HK1: variants seen among roughly 807,000 people sequenced by gnomAD.
HK1 encodes the protein hexokinase-1.
A neutral mutation model predicts 91.6 loss-of-function variants in HK1; 28 were observed. The observed-to-expected ratio is 0.31, with a 90% CI of 0.23 to 0.42. The LOEUF is 0.42. Among genes scored for constraint, HK1 ranks in the 10% least tolerant of loss-of-function variants. HK1 has a pLI of 1.00. For synonymous variants in HK1, 430 were observed against 468.1 expected (o/e 0.92, Z 1.05); for missense variants, 770 against 1,219.8 (o/e 0.63, Z 5.49).
rs1177989142 is a variant in HK1 at position 69,336,481 on chromosome 10, G to A, written c.64-7346G>A. On this transcript the variant is annotated intron_variant, in intron 1 of 17. Transcript: ENST00000359426. ...GCTGGGATTATAGGCACGAGCCACC[G>A]CGCCTGGCCTATTATTGCATCTTTA... Among the ~76,000 whole-genome samples, 11 of 151,552 alleles carry A rather than the reference G, an allele frequency of 7.3e-5. No homozygotes were observed. The East Asian group carries it at 7.8e-4, about 11-fold the overall frequency.
chr10:69,311,497 T>C (rs932055470), upstream of HK1, among the ~76,000 whole-genome samples: 3 of 152,174 alleles, frequency 2.0e-5, no homozygotes, highest in Non-Finnish European at 4.4e-5. Flanking sequence ...GCAAGGTGAT[T>C]TGAGATTGCT....
chr10:69,399,963 C>A (rs1281759831), intron 17 of HK1, among the ~76,000 whole-genome samples: 1 of 152,156 alleles, frequency 6.6e-6, no homozygotes, highest in African/African-American at 2.4e-5. Flanking sequence ...CCATCCTCAC[C>A]TCTGTCTCTC....
At chr10:69,280,649 C>T (rs1347581023) in intron 1 of HK1, among the ~76,000 whole-genome samples, 1 of 152,196 alleles carries the variant, frequency 6.6e-6, no homozygotes, top group Non-Finnish European at 1.5e-5. Flanking sequence ...GCCCCTTCTA[C>T]CAGTGAGGAC....
In HK1 at chr10:69,272,335, G is replaced by A. The variant is rs552598866; in HGVS notation, c.-391+2227G>A. ...TTACGGATATCACCTTCTACCTGAAGGGTCTCTGATGCCCAGGTTATTAAT... is the reference window on the plus strand; with the variant it reads ...TTACGGATATCACCTTCTACCTGAAAGGTCTCTGATGCCCAGGTTATTAAT... On this transcript the variant is annotated intron_variant, in intron 1 of 21. Transcript: ENST00000360289. 9.0e-4 allele frequency among the ~76,000 whole-genome samples: 137 copies of A among 152,252 alleles called. 1 individual carries two copies. The highest frequency in any genetic ancestry group is 3.2e-3 in the African/African-American group (133 of 41,540).
chr10:69,339,558 C>T (rs919899514), intron 1 of HK1, among the ~76,000 whole-genome samples: 12 of 152,186 alleles, frequency 7.9e-5, no homozygotes, highest in African/African-American at 2.4e-4. Context: ...AGGACCAGGC[C>T]GTTCTCTGTG....
At chr10:69,301,729 G>A (rs1845882695) in intron 5 of HK1, among the ~76,000 whole-genome samples, 1 of 152,078 alleles carries the variant, frequency 6.6e-6, no homozygotes. Context: ...CTAAATTAAT[G>A]GAAAGACATC....
intron 1 of HK1, among the ~76,000 whole-genome samples, chr10:69,276,119 ATACAT>A (rs1205302759): frequency 2.5e-4 from 4 of 15,884 alleles, no homozygotes; most frequent in Admixed American, 1.7e-3. Flanking sequence ...AAAAAAAAAA[ATACAT>A]ATATATATAT....
chr10:69,284,162 A>G (rs182128456), intron 2 of HK1, among the ~76,000 whole-genome samples: 1 of 152,302 alleles, frequency 6.6e-6, no homozygotes, highest in African/African-American at 2.4e-5. Flanking sequence ...GTTGAGGGAC[A>G]GTGTGCAAGA....
chr10:69,376,959 T>C lies in HK1; in HGVS notation c.901T>C (p.Tyr301His). 1 of 1,614,176 alleles carries C rather than the reference T, an allele frequency of 6.2e-7. No homozygotes were observed. The highest frequency in any genetic ancestry group is 8.5e-7 in the Non-Finnish European group (1 of 1,180,030). ...QLFEKMVSGM[Y>H]LGELVRLILV... The stretch of plus-strand genomic sequence containing the variant: ...GTTTGAGAAGATGGTCAGTGGCATG[T>C]ACTTGGGAGAGCTGGTTCGACTGAT... The change falls in exon 8 of 18, where the codon TAC becomes CAC. Residue 301 changes from tyrosine to histidine, a missense_variant. Coordinates refer to ENST00000359426, the MANE Select transcript of HK1 (RefSeq NM_000188.3).
At chr10:69,294,022 C>T (rs182793530) in intron 3 of HK1, among the ~76,000 whole-genome samples, 15,913 of 151,636 alleles carry the variant, frequency 0.1, 983 homozygotes, top group South Asian at 0.23. Context: ...CCACCACGCC[C>T]GGCTGATTTT....
intron 1 of HK1, among the ~76,000 whole-genome samples, chr10:69,334,806 C>G (rs750526473): frequency 5.3e-5 from 8 of 152,170 alleles, no homozygotes; most frequent in Non-Finnish European, 1.0e-4. Flanking sequence ...ACACACACCA[C>G]GAAGTGTCTC....
At chr10:69,375,863 C>T (rs960522970) in intron 7 of HK1, among the ~76,000 whole-genome samples, 19 of 152,208 alleles carry the variant, frequency 1.2e-4, no homozygotes, top group African/African-American at 4.6e-4. Context: ...TGCGTGTTGG[C>T]TTCTATCTCT....
intron 3 of HK1, among the ~76,000 whole-genome samples, chr10:69,294,643 T>G (rs2394544): frequency 0.98 from 149,856 of 152,240 alleles, 73,798 homozygotes; most frequent in East Asian, 1. Context: ...ATCACTCAAG[T>G]TCAGGAGTTC....
At chr10:69,354,940 A>G (rs10823351) in intron 2 of HK1, among the ~76,000 whole-genome samples, 69,015 of 151,656 alleles carry the variant, frequency 0.46, 16,674 homozygotes, top group African/African-American at 0.6. Flanking sequence ...ATGGTGGTGG[A>G]CACCTGTAAT....
At position 69,273,032 on chromosome 10, in the gene HK1, CT is replaced by C. The variant is rs745403867; in HGVS notation, c.-391+2940del. 6.4e-3 allele frequency among the ~76,000 whole-genome samples: 834 copies of C among 130,596 alleles called. 2 individuals are homozygous for C. The highest frequency in any genetic ancestry group is 0.01 in the Non-Finnish European group (632 of 61,092). 85.7% of individuals were successfully genotyped at this position (130,596 alleles called of 152,430 possible). On this transcript the variant is annotated intron_variant, in intron 1 of 21. Transcript: ENST00000360289. ...ATAATTCCTTTTCTTTCTTTTTTAC[CT>C]TTTTTTTTTTTTTTTGAGATGGAGT... is the stretch of plus-strand genomic sequence containing the variant.
Position 69,391,558 on chromosome 10 carries a change from C to T in HK1, c.2036-567C>T, listed in dbSNP as rs186503310. 6.7e-3 allele frequency among the ~76,000 whole-genome samples: 1,019 copies of T among 152,356 alleles called. 8 individuals carry two copies. The highest frequency in any genetic ancestry group is 0.023 in the African/African-American group (953 of 41,574). ...TTGGAAGGCTGAGGTGGGAAAATCA[C>T]TTGAGCCCTGGAGGCGGAGGTTGCA... is the stretch of plus-strand genomic sequence containing the variant. On this transcript the variant is annotated intron_variant, in intron 14 of 17. Transcript: ENST00000359426.
intron 1 of HK1, among the ~76,000 whole-genome samples, chr10:69,339,088 G>A (rs1217984324): frequency 6.6e-6 from 1 of 152,202 alleles, no homozygotes; most frequent in Non-Finnish European, 1.5e-5. Flanking sequence ...GAACGAGGAA[G>A]ATGCGTTTTG....
At chr10:69,291,708 G>A (rs1845301715) in intron 3 of HK1, among the ~76,000 whole-genome samples, 1 of 152,166 alleles carries the variant, frequency 6.6e-6, no homozygotes, top group African/African-American at 2.4e-5. Context: ...GATATATTTT[G>A]AGTTGTTCCA....
Position 69,398,755 on chromosome 10 carries a change from C to G in HK1, c.2536C>G (p.Arg846Gly), listed in dbSNP as rs146727978. 30 of 1,614,066 alleles carry G rather than the reference C, an allele frequency of 1.9e-5. No homozygotes were observed. In the Admixed American group the frequency reaches 2.0e-4, roughly 11 times the overall value. ...CATGGCTGCGGTTGTGGATAAGATC[C>G]GCGAGAACAGAGGACTGGACCGTCT... ...AGMAAVVDKIRENRGLDRLNV... is the reference protein window; with the variant it reads ...AGMAAVVDKIGENRGLDRLNV... Residue 846 changes from arginine (R) to glycine (G), a missense_variant, in exon 17 of 18, where the codon CGC becomes GGC. Physicochemically the swap from Arg to Gly is moderately radical, Grantham distance 125. Around this residue, in one of 7 missense-constraint regions of HK1, gnomAD observed 78 missense variants for 99.0 expected, o/e 0.79. Coordinates refer to ENST00000359426, the MANE Select transcript of HK1 (RefSeq NM_000188.3).
Sources: gnomAD v4.1 joint callset for allele counts (sites outside exome capture counted in the v4.1 genomes callset) on GRCh38, gnomAD v4.1.1 for gene constraint, gnomAD v4.1.1 regional missense constraint, MANE v1.5 for transcripts, NCBI Gene and HGNC (gene_info 2026-07-23, HGNC 2026-07-21) for gene names.